Variants in ACTR1B observed in about 807,000 individuals in gnomAD.
ACTR1B encodes the protein actin related protein 1B, also known as beta-centractin.
Under a neutral mutation model 49.4 loss-of-function variants are expected in ACTR1B, and 34 were observed. That is an observed-to-expected ratio of 0.69 (90% CI 0.52 to 0.92). ACTR1B has a LOEUF of 0.92. Among genes scored for constraint, ACTR1B ranks in the 40% least tolerant of loss-of-function variants. The pLI, the probability that ACTR1B is intolerant of heterozygous loss-of-function variation, is 0.00. For synonymous variants in ACTR1B, 207 were observed against 207.8 expected, an observed-to-expected ratio of 1.00 and a Z score of 0.03; for missense variants, 471 against 522.4, an observed-to-expected ratio of 0.90 and a Z score of 0.96.
At position 97,657,213 on chromosome 2, in the gene ACTR1B, C is replaced by G. The variant is rs147281131; in HGVS notation, c.988-21G>C. The G allele has an allele frequency of 1.9e-6, 3 of 1,611,024 alleles. No homozygotes were observed. The African/African-American group carries it at 4.0e-5, about 22-fold the overall frequency. On this transcript the variant is annotated intron_variant, in intron 9 of 10. Transcript: ENST00000289228. ...GAGATCTAGAAGGAGGAAGTGGCCA[C>G]GTTAACTGTGGATCCCCACCCAGAA...
chr2:97,660,049 A>C (rs1573183336), intron 3 of ACTR1B, among the ~76,000 whole-genome samples: 3 of 147,192 alleles, frequency 2.0e-5, no homozygotes, highest in Non-Finnish European at 3.0e-5. Flanking sequence ...CGAGACCCCC[A>C]CCCTCTGCAC....
rs1674940930 is a variant in ACTR1B at position 97,659,072 on chromosome 2, G to A, written c.316-69C>T. 6.2e-7 allele frequency: 1 copy of A among 1,606,576 alleles called. No homozygotes were observed. Among genetic ancestry groups the A allele is most frequent in the Admixed American group, 1.7e-5 (1 of 59,868 alleles). On this transcript the variant is annotated intron_variant, in intron 4 of 10. Coordinates refer to ENST00000289228, the MANE Select transcript of ACTR1B (RefSeq NM_005735.4). The surrounding 1 kb of genome is among the most constrained non-coding windows in gnomAD (Gnocchi z 4.0). The stretch of plus-strand genomic sequence containing the variant: ...GCAAGGCCCTAAAAGGCTCTTTCCA[G>A]AGAACCACACCCGCTGGCGCACAGG...
Position 97,658,202 on chromosome 2 carries a change from A to G in ACTR1B, c.750+22T>C, listed in dbSNP as rs1169221371. The G allele has an allele frequency of 1.2e-6, 2 of 1,613,748 alleles. No homozygotes were observed. Among genetic ancestry groups the G allele is most frequent in the African/African-American group, 1.3e-5 (1 of 74,948 alleles). ...CAGGCTGGGCATCGGCTGCCACTCC[A>G]GTGCCAGGCCCGGCCACTTACATCA... On this transcript the variant is annotated intron_variant, in intron 7 of 10. Coordinates refer to ENST00000289228, the MANE Select transcript of ACTR1B (RefSeq NM_005735.4). This position sits in a 1 kb window ranked among gnomAD's most constrained non-coding sequence, Gnocchi z 5.9.
In ACTR1B at chr2:97,658,535, C is replaced by T. The variant is rs1335091410; in HGVS notation, c.549G>A (p.Val183=). Residue 183 remains valine, a synonymous_variant, in exon 6 of 11, where the codon GTG becomes GTA. Coordinates refer to ENST00000289228, the MANE Select transcript of ACTR1B (RefSeq NM_005735.4). The surrounding 1 kb of genome is among the most constrained non-coding windows in gnomAD (Gnocchi z 5.9). ...GFAMPHSIMR[V]DIAGRDVSRY... ...GGGAGACGTCGCGGCCGGCAATGTC[C>T]ACCCGCATGATGGAGTGAGGCATGG... The T allele has an allele frequency of 6.2e-6, 10 of 1,614,096 alleles. 1 individual carries two copies. Among genetic ancestry groups the T allele is most frequent in the African/African-American group, 4.0e-5 (3 of 75,008 alleles).
chr2:97,658,493 C>T lies in ACTR1B; in HGVS notation c.591G>A (p.Leu197=). 6.2e-7 allele frequency: 1 copy of T among 1,614,188 alleles called. No homozygotes were observed. The highest frequency in any genetic ancestry group is 8.5e-7 in the Non-Finnish European group (1 of 1,180,022). The change falls in exon 6 of 11, where the codon CTG becomes CTA. Residue 197 remains leucine, a synonymous_variant. Transcript: ENST00000289228. The surrounding 1 kb of genome is among the most constrained non-coding windows in gnomAD (Gnocchi z 5.9). ...GRDVSRYLRL[L]LRKEGVDFHT... is the part of the protein sequence containing the mutation. The stretch of plus-strand genomic sequence containing the variant: ...GGAAGTCAACCCCTTCCTTGCGCAG[C>T]AGGAGTCGGAGGTAGCGGGAGACGT...
In ACTR1B at chr2:97,658,860, A is replaced by G. The variant is rs756632534; in HGVS notation, c.440+19T>C. 7 of 1,613,862 alleles carry G rather than the reference A, an allele frequency of 4.3e-6. No individual in the cohort carries two copies. The African/African-American group carries it at 8.0e-5, about 18-fold the overall frequency. Reference sequence around the variant, plus strand: ...AGGGAGGACAGGACTCAGGGAGGCCAGGCTTAGGGAGCACTCACAGACTGA... The same window carrying G: ...AGGGAGGACAGGACTCAGGGAGGCCGGGCTTAGGGAGCACTCACAGACTGA... On this transcript the variant is annotated intron_variant, in intron 5 of 10. Transcript: ENST00000289228. This position sits in a 1 kb window ranked among gnomAD's most constrained non-coding sequence, Gnocchi z 5.9.
chr2:97,656,807 T>G lies in ACTR1B; in HGVS notation c.*51A>C. On this transcript the variant is annotated 3_prime_UTR_variant, in exon 11 of 11. Transcript: ENST00000289228. ...GCCAAGACCAAAAAGGGTTAAAGGC[T>G]CTGTCTCCCCTCCCTCCCCCTCTCC... 1 of 1,470,382 alleles carries G rather than the reference T, an allele frequency of 6.8e-7. No homozygotes were observed. Among genetic ancestry groups the G allele is most frequent in the Middle Eastern group, 1.8e-4 (1 of 5,436 alleles). The allele number at this position is 1,470,382 out of a possible 1,614,324, so 91.1% of individuals were successfully genotyped here.
intron 1 of ACTR1B, among the ~76,000 whole-genome samples, chr2:97,663,281 C>G (rs950270072): frequency 5.3e-5 from 8 of 152,226 alleles, no homozygotes; most frequent in Non-Finnish European, 8.8e-5. Context: ...GCTCTGCTGG[C>G]TGTGGAATGT....
intron 1 of ACTR1B, among the ~76,000 whole-genome samples, 172 bp from the exon 2 acceptor site, chr2:97,662,118 C>T (rs1675027516): frequency 1.3e-5 from 2 of 152,098 alleles, no homozygotes; most frequent in African/African-American, 4.8e-5. Context: ...AATTTTGTAT[C>T]CCCCTGCTCT....
Position 97,659,487 on chromosome 2 carries a change from TG to T in ACTR1B, c.190-11del. On this transcript the variant is annotated splice_polypyrimidine_tract_variant and intron_variant, in intron 3 of 10. Transcript: ENST00000289228. This position sits in a 1 kb window ranked among gnomAD's most constrained non-coding sequence, Gnocchi z 4.0. ...GCAGCCCCCGGTGCTCCTGGTGGGG[TG>T]GGAAGGGAGGTGTGGCACCCGGCCC... 6.2e-7 allele frequency: 1 copy of T among 1,612,642 alleles called. No individual in the cohort carries two copies. The highest frequency in any genetic ancestry group is 8.5e-7 in the Non-Finnish European group (1 of 1,179,802).
chr2:97,659,760 T>G lies in ACTR1B; in HGVS notation c.190-283A>C, dbSNP rs1674962647. 1 of 491,958 alleles carries G rather than the reference T, an allele frequency of 2.0e-6. No individual in the cohort carries two copies. Among genetic ancestry groups the G allele is most frequent in the East Asian group, 3.7e-5 (1 of 26,688 alleles). The allele number at this position is 491,958 out of a possible 1,614,324, so 30.5% of individuals were successfully genotyped here. On this transcript the variant is annotated intron_variant, in intron 3 of 10. Coordinates refer to ENST00000289228, the MANE Select transcript of ACTR1B (RefSeq NM_005735.4). This position sits in a 1 kb window ranked among gnomAD's most constrained non-coding sequence, Gnocchi z 4.0. Reference sequence around the variant, plus strand: ...AATCTGCAGGCTCTCTTCTTCCCCATTCTCACTGCCGGCACATCCCCCACA... The same window carrying G: ...AATCTGCAGGCTCTCTTCTTCCCCAGTCTCACTGCCGGCACATCCCCCACA...
Position 97,661,782 on chromosome 2 carries a change from T to C in ACTR1B, c.113+100A>G, listed in dbSNP as rs1295410904. ...ACAAATTTGGTGTTTTCCATACAGG[T>C]CAGGGCACAAATTGTCTTCAAAGAG... On this transcript the variant is annotated intron_variant, in intron 2 of 10. Transcript: ENST00000289228. 8.9e-6 allele frequency: 11 copies of C among 1,239,418 alleles called. No individual in the cohort carries two copies. In the Admixed American group the frequency reaches 1.6e-4, roughly 18 times the overall value. 76.8% of individuals were successfully genotyped at this position (1,239,418 alleles called of 1,614,324 possible). A position where few individuals can be genotyped will look rare whatever the true frequency, so the allele number is the denominator to read the frequency against.
chr2:97,657,872 G>A, intron 8 of ACTR1B, 71 bp downstream of exon 8: 2 of 1,545,542 alleles, frequency 1.3e-6, no homozygotes, highest in Middle Eastern at 1.7e-4. Flanking sequence ...GCTCTGGGTA[G>A]GGGTATACTC....
rs757328064 is a variant in ACTR1B at position 97,658,105 on chromosome 2, G to A, written c.763C>T (p.Arg255Ter). Residue 255 changes from arginine (R) to a stop codon, truncating the protein, a stop_gained, in exon 8 of 11, where the codon CGA becomes TGA. Transcript: ENST00000289228. LOFTEE classifies it high-confidence loss of function. The surrounding 1 kb of genome is among the most constrained non-coding windows in gnomAD (Gnocchi z 5.9). ...AACAGCAGCTCGGGGGCCCGGAATC[G>A]TGCAGGCCCCACCTTTAGTGTACAA... ...DGSTLDVGPA[R>*]FRAPELLFQP... 3.7e-6 allele frequency: 6 copies of A among 1,613,946 alleles called. No homozygotes were observed. Among genetic ancestry groups the A allele is most frequent in the Admixed American group, 1.7e-5 (1 of 60,028 alleles).
Position 97,656,101 on chromosome 2 carries a change from G to C in ACTR1B, c.*757C>G, listed in dbSNP as rs927595054. The C allele has an allele frequency of 1.3e-4, 20 of 152,232 alleles. No individual in the cohort carries two copies. Among genetic ancestry groups the C allele is most frequent in the Admixed American group, 1.2e-3 (19 of 15,284 alleles). The allele number at this position is 152,232 out of a possible 1,614,324, so 9.4% of individuals were successfully genotyped here. A position where few individuals can be genotyped will look rare whatever the true frequency, so the allele number is the denominator to read the frequency against. ...AAGTGACGACCTCTTTCTTGGGTGAGGTAAGAAAATGTCCCCCACCCCCTT... is the reference window on the plus strand; with the variant it reads ...AAGTGACGACCTCTTTCTTGGGTGACGTAAGAAAATGTCCCCCACCCCCTT... On this transcript the variant is annotated 3_prime_UTR_variant, in exon 11 of 11. Coordinates refer to ENST00000289228, the MANE Select transcript of ACTR1B (RefSeq NM_005735.4).
Position 97,658,105 on chromosome 2 carries a change from G to C in ACTR1B, c.763C>G (p.Arg255Gly), listed in dbSNP as rs757328064. 1.2e-6 allele frequency: 2 copies of C among 1,613,948 alleles called. No individual in the cohort carries two copies. The highest frequency in any genetic ancestry group is 1.7e-5 in the Admixed American group (1 of 60,028). The stretch of plus-strand genomic sequence containing the variant: ...AACAGCAGCTCGGGGGCCCGGAATC[G>C]TGCAGGCCCCACCTTTAGTGTACAA... ...DGSTLDVGPA[R>G]FRAPELLFQP... Residue 255 changes from arginine to glycine, a missense_variant, in exon 8 of 11, where the codon CGA becomes GGA. Transcript: ENST00000289228. This position sits in a 1 kb window ranked among gnomAD's most constrained non-coding sequence, Gnocchi z 5.9.
Position 97,658,575 on chromosome 2 carries a change from A to G in ACTR1B, c.509T>C (p.Ile170Thr), listed in dbSNP as rs1398625624. 3 of 1,614,034 alleles carry G rather than the reference A, an allele frequency of 1.9e-6. No homozygotes were observed. Among genetic ancestry groups the G allele is most frequent in the Non-Finnish European group, 2.5e-6 (3 of 1,180,006 alleles). Residue 170 changes from isoleucine (I) to threonine (T), a missense_variant, in exon 6 of 11, where the codon ATC becomes ACC. Transcript: ENST00000289228. The surrounding 1 kb of genome is among the most constrained non-coding windows in gnomAD (Gnocchi z 5.9). ...GTGAGGCATGGCAAAGCCCTCATAG[A>G]TGGGCACAGCATGAGTGACCCCGTC... ...SGDGVTHAVPIYEGFAMPHSI... is the reference protein window; with the variant it reads ...SGDGVTHAVPTYEGFAMPHSI...
chr2:97,662,489 A>T lies in ACTR1B; in HGVS notation c.49-543T>A, dbSNP rs904471401. Among the ~76,000 whole-genome samples the T allele has an allele frequency of 3.3e-5, 5 of 151,634 alleles. No homozygotes were observed. The East Asian group carries it at 9.7e-4, about 29-fold the overall frequency. On this transcript the variant is annotated intron_variant, in intron 1 of 10. Coordinates refer to ENST00000289228, the MANE Select transcript of ACTR1B (RefSeq NM_005735.4). ...GGACGACCTACAGGGCCTGCTGGAG[A>T]AGACCAATGGGTGCATGGGATGACC... is the stretch of plus-strand genomic sequence containing the variant.
chr2:97,657,879 ACT>A, intron 8 of ACTR1B, 62 bp downstream of exon 8: 2 of 1,574,262 alleles, frequency 1.3e-6, no homozygotes, highest in Non-Finnish European at 1.7e-6. Context: ...GTAGGGGTAT[ACT>A]CTCTGAGGGT....
Sources: allele counts gnomAD v4.1 joint callset (sites outside exome capture counted in the v4.1 genomes callset), GRCh38; gene constraint gnomAD v4.1.1; non-coding constraint Gnocchi (gnomAD v3.1); transcripts MANE v1.5; gene names NCBI Gene and HGNC (gene_info 2026-07-23, HGNC 2026-07-21).